The following FBXO25 variants were observed in gnomAD, a reference collection of about 807,000 sequenced individuals.
The protein encoded by FBXO25 is F-box protein 25.
In FBXO25, 45 loss-of-function variants were observed where a neutral mutation model predicts 51.9. That is an observed-to-expected ratio of 0.87 (90% CI 0.68 to 1.11). The LOEUF (loss-of-function observed/expected upper bound fraction) is 1.11. Ranked by LOEUF, FBXO25 falls within the 50% of genes most tolerant of loss-of-function variation. The pLI, the probability that FBXO25 is intolerant of heterozygous loss-of-function variation, is 0.00. For missense variants in FBXO25, 507 were observed against 428.5 expected, an observed-to-expected ratio of 1.18 and a Z score of -1.62; for synonymous variants, 199 against 151.0, an observed-to-expected ratio of 1.32 and a Z score of -2.33.
chr8:415,185 C>G (rs572783041), intron 2 of FBXO25, among the ~76,000 whole-genome samples: 2 of 152,256 alleles, frequency 1.3e-5, no homozygotes, highest in South Asian at 2.1e-4. Flanking sequence ...AGAAAAAGAA[C>G]TATAGTAAAA....
At chr8:459,923 G>A (rs1369495836) in intron 8 of FBXO25, among the ~76,000 whole-genome samples, 1 of 152,186 alleles carries the variant, frequency 6.6e-6, no homozygotes, top group Non-Finnish European at 1.5e-5. Flanking sequence ...GGTTATGGAT[G>A]CCTTGGGGAA....
rs963123428 is a variant in FBXO25, at chr8:454,844, T to A, written c.660+3391T>A. 2.1e-5 allele frequency among the ~76,000 whole-genome samples: 3 copies of A among 141,152 alleles called. No homozygotes were observed. The East Asian group carries it at 6.5e-4, about 31-fold the overall frequency. 92.6% of individuals were successfully genotyped at this position (141,152 alleles called of 152,430 possible). On this transcript the variant is annotated intron_variant, in intron 7 of 9. Transcript: ENST00000350302. Reference sequence around the variant, plus strand: ...AAGCAGAGGTTGCAGTGAACTGAGATCACACCACTGCACTCCAGCCTGGGT... The same window carrying A: ...AAGCAGAGGTTGCAGTGAACTGAGAACACACCACTGCACTCCAGCCTGGGT...
chr8:468,748 G>A lies in FBXO25; in HGVS notation c.1021G>A (p.Asp341Asn), dbSNP rs756400332. ...SGHPCTAADPDSCFTPVSPQH... is the reference protein window; with the variant it reads ...SGHPCTAADPNSCFTPVSPQH... ...ACACCCCTGCACGGCGGCCGACCCT[G>A]ACAGCTGCTTCACGCCTGTGTCTCC... The change falls in exon 10 of 10, where the codon GAC becomes AAC. Residue 341 changes from aspartate to asparagine, a missense_variant. Coordinates refer to ENST00000350302, the MANE Select transcript of FBXO25 (RefSeq NM_183420.2). The A allele has an allele frequency of 6.2e-7, 1 of 1,614,032 alleles. No homozygotes were observed. The highest frequency in any genetic ancestry group is 1.7e-5 in the Admixed American group (1 of 60,018).
At chr8:468,277 A>T (rs17738225) in intron 9 of FBXO25, 54,271 of 1,015,384 alleles carry the variant, frequency 0.053, 1,545 homozygotes, top group Middle Eastern at 0.087. Context: ...GCCCAAGCTG[A>T]TTCAGGGATG....
intron 2 of FBXO25, among the ~76,000 whole-genome samples, chr8:429,167 G>A (rs915501746): frequency 1.3e-5 from 2 of 152,050 alleles, no homozygotes; most frequent in Admixed American, 6.6e-5. Flanking sequence ...AACATTGCAC[G>A]AGGGATCCAG....
intron 5 of FBXO25, among the ~76,000 whole-genome samples, chr8:446,434 C>T (rs1287360447): frequency 3.3e-5 from 5 of 152,192 alleles, no homozygotes; most frequent in African/African-American, 7.2e-5. Context: ...GCAGTGCTTA[C>T]GGCTGGCTGG....
intron 4 of FBXO25, among the ~76,000 whole-genome samples, chr8:435,151 C>T (rs1458963472): frequency 6.6e-6 from 1 of 152,170 alleles, no homozygotes; most frequent in African/African-American, 2.4e-5. Context: ...ATACTTCAAA[C>T]TCGGGCAGTG....
At chr8:448,042 A>G (rs1026139191) in intron 5 of FBXO25, among the ~76,000 whole-genome samples, 4 of 152,216 alleles carry the variant, frequency 2.6e-5, no homozygotes, top group Non-Finnish European at 5.9e-5. Context: ...AATACGAATG[A>G]GAAAATTAAT....
chr8:437,754 T>A (rs2117679606), intron 5 of FBXO25, among the ~76,000 whole-genome samples: 1 of 146,484 alleles, frequency 6.8e-6, no homozygotes, highest in Admixed American at 6.8e-5. Flanking sequence ...TTTTTTTTTT[T>A]TACTTTATCG....
chr8:468,258 A>G (rs1361565171), intron 9 of FBXO25: 19 of 1,013,310 alleles, frequency 1.9e-5, no homozygotes, highest in East Asian at 1.0e-4. Flanking sequence ...CTCCTGTCCT[A>G]TGCAGGGAGC....
chr8:468,105 G>C (rs1800304986), intron 9 of FBXO25: 1 of 1,066,696 alleles, frequency 9.4e-7, no homozygotes, highest in Non-Finnish European at 1.1e-6. Flanking sequence ...CCTCCTAAGA[G>C]TCTGCCAGTC....
chr8:415,762 T>C (rs532129283), intron 2 of FBXO25, among the ~76,000 whole-genome samples: 2,022 of 152,274 alleles, frequency 0.013, 28 homozygotes, highest in African/African-American at 0.047. Flanking sequence ...GCGTAGTGTT[T>C]CTGCCACTCA....
intron 9 of FBXO25, chr8:467,663 C>T (rs539232655): frequency 2.7e-4 from 434 of 1,586,280 alleles, no homozygotes; most frequent in Admixed American, 1.1e-3. Flanking sequence ...TTAACTTTTC[C>T]TTTTTTTCCC....
intron 1 of FBXO25, among the ~76,000 whole-genome samples, chr8:408,825 C>G (rs1347851819): frequency 6.6e-6 from 1 of 152,162 alleles, no homozygotes; most frequent in Non-Finnish European, 1.5e-5. Flanking sequence ...TGTAGGCTGT[C>G]TGAAATAAGT....
At chr8:437,086 C>G (rs554861733) in intron 5 of FBXO25, among the ~76,000 whole-genome samples, 1 of 152,136 alleles carries the variant, frequency 6.6e-6, no homozygotes, top group African/African-American at 2.4e-5. Flanking sequence ...CTGTGTACCA[C>G]ATACTACTAT....
At chr8:451,891 C>A (rs1467826338) in intron 7 of FBXO25, among the ~76,000 whole-genome samples, 1 of 152,060 alleles carries the variant, frequency 6.6e-6, no homozygotes, top group Non-Finnish European at 1.5e-5. Context: ...GTGAACAAGG[C>A]CAAAAGAAGG....
At chr8:435,838 A>C (rs1798072891) in intron 5 of FBXO25, 131 bp downstream of exon 5, 1 of 1,333,638 alleles carries the variant, frequency 7.5e-7, no homozygotes. Flanking sequence ...TATTAATCAA[A>C]AAACAGAAGG....
intron 2 of FBXO25, among the ~76,000 whole-genome samples, chr8:413,634 C>T (rs1046002153): frequency 1.2e-4 from 18 of 152,294 alleles, no homozygotes; most frequent in Admixed American, 1.0e-3. Context: ...AGGGGCCAAG[C>T]ACAGTCTGTC....
rs540951553 is a variant in FBXO25, at chr8:425,197, A to G, written c.135-6144A>G. Among the ~76,000 whole-genome samples, 3 of 150,942 alleles carry G rather than the reference A, an allele frequency of 2.0e-5. No individual in the cohort carries two copies. The East Asian group carries it at 5.9e-4, about 30-fold the overall frequency. On this transcript the variant is annotated intron_variant, in intron 2 of 9. Transcript: ENST00000350302. ...CTCCCCAAAAATAACCACTTCCCAA[A>G]CTCTTATGGTAACCATTTCCCTAAT...
Sources: allele counts gnomAD v4.1 joint callset (sites outside exome capture counted in the v4.1 genomes callset), GRCh38; gene constraint gnomAD v4.1.1; transcripts MANE v1.5; gene names NCBI Gene and HGNC (gene_info 2026-07-23, HGNC 2026-07-21).